EML2: variants seen among roughly 807,000 people sequenced by gnomAD.
The protein encoded by EML2 is EMAP like 2, also known as echinoderm microtubule-associated protein-like 2.
Under a neutral mutation model 84.7 loss-of-function variants are expected in EML2, and 59 were observed. The ratio of observed to expected loss-of-function variants is 0.70; its 90% CI spans 0.56 to 0.86. EML2 has a LOEUF of 0.86. Among genes scored for constraint, EML2 ranks in the 40% least tolerant of loss-of-function variants. EML2 has a pLI of 0.00. For synonymous variants in EML2, 352 were observed against 348.9 expected (o/e 1.01, Z -0.10); for missense variants, 818 against 855.6 (o/e 0.96, Z 0.55).
chr19:45,619,113 C>A lies in EML2; in HGVS notation c.1201G>T (p.Val401Leu), dbSNP rs528411722. 6.2e-7 allele frequency: 1 copy of A among 1,613,426 alleles called. No homozygotes were observed. Among genetic ancestry groups the A allele is most frequent in the Non-Finnish European group, 8.5e-7 (1 of 1,179,906 alleles). Residue 401 changes from valine (V) to leucine (L), a missense_variant, in exon 12 of 19, where the codon GTG becomes TTG. Coordinates refer to ENST00000245925, the MANE Select transcript of EML2 (RefSeq NM_012155.4). ...TGGGAATCTGAGCTCCATAGATGCA[C>A]CAGCTTATCCTGCCCGCAGGTCACA... ...QFVTCGQDKL[V>L]HLWSSDSHQP...
Position 45,635,583 on chromosome 19 carries a change from CTTTTTTTT to C in EML2, c.180-1120_180-1113del, listed in dbSNP as rs1172930803. ...CCAAAAAAAAATGAATGTCTGTTTC[CTTTTTTTT>C]TTTTTTTTTTTTTTTTTTGAGATGG... On this transcript the variant is annotated intron_variant, in intron 3 of 18. Transcript: ENST00000245925. Among the ~76,000 whole-genome samples the C allele has an allele frequency of 5.8e-4, 63 of 108,470 alleles. 1 individual carries two copies. Among genetic ancestry groups the C allele is most frequent in the Admixed American group, 1.3e-3 (12 of 9,412 alleles). 71.2% of individuals were successfully genotyped at this position (108,470 alleles called of 152,430 possible). A position where few individuals can be genotyped will look rare whatever the true frequency, so the allele number is the denominator to read the frequency against.
chr19:45,620,965 C>A, intron 11 of EML2: 1 of 630,846 alleles, frequency 1.6e-6, no homozygotes, highest in Non-Finnish European at 2.9e-6. Context: ...AGGGTGCCAC[C>A]CCCAATCAGA....
rs1480708731 is a variant in EML2 at position 45,633,084 on chromosome 19, T to C, written c.385A>G (p.Thr129Ala). Residue 129 changes from threonine (T) to alanine (A), a missense_variant, in exon 5 of 19, where the codon ACT becomes GCT. Coordinates refer to ENST00000245925, the MANE Select transcript of EML2 (RefSeq NM_012155.4). Reference sequence around the variant, plus strand: ...CCTTCCATTACCTTCCCTTCCTTAGTGGTTCCCGCCACCTGTCCCGTGGCG... The same window carrying C: ...CCTTCCATTACCTTCCCTTCCTTAGCGGTTCCCGCCACCTGTCCCGTGGCG... ...TIATGQVAGTTKEGKPLPPHV... is the reference protein window; with the variant it reads ...TIATGQVAGTAKEGKPLPPHV... 6.3e-7 allele frequency: 1 copy of C among 1,594,418 alleles called. No homozygotes were observed. The highest frequency in any genetic ancestry group is 8.5e-7 in the Non-Finnish European group (1 of 1,170,932).
upstream of EML2, chr19:45,645,591 C>A (rs1479688897): frequency 7.0e-6 from 5 of 718,520 alleles, no homozygotes; most frequent in African/African-American, 1.9e-5. Context: ...CGCCCGGATC[C>A]CCCTAGGTAC....
intron 1 of EML2, 22 bp downstream of exon 1, chr19:45,639,335 G>T (rs1275191814): frequency 2.2e-6 from 3 of 1,342,140 alleles, no homozygotes; most frequent in Non-Finnish European, 2.9e-6. Context: ...GAGATGGGGG[G>T]TGGTCTGCGA....
intron 9 of EML2, 23 bp downstream of exon 9, chr19:45,624,696 C>A: frequency 6.3e-7 from 1 of 1,590,874 alleles, no homozygotes; most frequent in South Asian, 1.1e-5. Context: ...GATTGGGAAC[C>A]AAACAGATGG....
At chr19:45,641,657 TAC>T, upstream of EML2, 2 of 1,536,110 alleles carry the variant, frequency 1.3e-6, no homozygotes, top group South Asian at 2.4e-5. Context: ...TTTTTGGCGC[TAC>T]AGTTGCTGCT....
In EML2 at chr19:45,625,673, T is replaced by C. The variant is rs138884250; in HGVS notation, c.742-855A>G. Among the ~76,000 whole-genome samples the C allele has an allele frequency of 3.7e-3, 568 of 152,218 alleles. 3 individuals are homozygous for C. The highest frequency in any genetic ancestry group is 0.013 in the African/African-American group (547 of 41,536). On this transcript the variant is annotated intron_variant, in intron 8 of 18. Transcript: ENST00000245925. ...CCACCTTCTCAGTGTCTCTGTTTCA[T>C]CTCCGTGCCCAGTGTTCTCTGGGCT...
chr19:45,619,843 G>A (rs1239083418), intron 11 of EML2, among the ~76,000 whole-genome samples: 1 of 151,996 alleles, frequency 6.6e-6, no homozygotes, highest in African/African-American at 2.4e-5. Flanking sequence ...TTGAGCTCAG[G>A]AGTCCGAGAC....
chr19:45,641,487 C>G, upstream of EML2: 1 of 706,048 alleles, frequency 1.4e-6, no homozygotes, highest in South Asian at 1.9e-5. Flanking sequence ...CGTGCCACCT[C>G]AAGATTGGTC....
chr19:45,624,826 G>A lies in EML2; in HGVS notation c.742-8C>T. 6.2e-7 allele frequency: 1 copy of A among 1,603,790 alleles called. No homozygotes were observed. Among genetic ancestry groups the A allele is most frequent in the Non-Finnish European group, 8.5e-7 (1 of 1,173,924 alleles). On this transcript the variant is annotated splice_polypyrimidine_tract_variant and splice_region_variant and intron_variant, in intron 8 of 18. Transcript: ENST00000245925. ...CTTCGGTTTCTCATGTTTCTAAGGTGGGGGAGGAAAGGAAGGTGTCAGAGC... is the reference window on the plus strand; with the variant it reads ...CTTCGGTTTCTCATGTTTCTAAGGTAGGGGAGGAAAGGAAGGTGTCAGAGC...
At chr19:45,639,123 GAA>G (rs1568490802) in intron 1 of EML2, 1 of 670,690 alleles carries the variant, frequency 1.5e-6, no homozygotes, top group East Asian at 2.7e-5. Context: ...CGCGATCCTG[GAA>G]GAAGGGAGTC....
In EML2 at chr19:45,624,908, C is replaced by T. The variant is rs879497004; in HGVS notation, c.742-90G>A. Reference sequence around the variant, plus strand: ...TCTGTCACCCAGGACCGTGGCCAGGCAATCCCCTCTATCTATGCGTTTAGG... The same window carrying T: ...TCTGTCACCCAGGACCGTGGCCAGGTAATCCCCTCTATCTATGCGTTTAGG... On this transcript the variant is annotated intron_variant, in intron 8 of 18. Transcript: ENST00000245925. The T allele has an allele frequency of 3.4e-6, 3 of 872,464 alleles. No individual in the cohort carries two copies. In the Admixed American group the frequency reaches 6.1e-5, roughly 18 times the overall value. The allele number at this position is 872,464 out of a possible 1,614,324, so 54.0% of individuals were successfully genotyped here. A position where few individuals can be genotyped will look rare whatever the true frequency, so the allele number is the denominator to read the frequency against.
At chr19:45,645,626 G>A, upstream of EML2, 2 of 569,858 alleles carry the variant, frequency 3.5e-6, no homozygotes, top group South Asian at 4.6e-5. Context: ...CACAACCGGA[G>A]TATAGTCTCT....
rs1239472516 is a variant in EML2 at position 45,616,466 on chromosome 19, A to C, written c.1504T>G (p.Cys502Gly). 6.3e-7 allele frequency: 1 copy of C among 1,587,600 alleles called. No homozygotes were observed. The highest frequency in any genetic ancestry group is 8.6e-7 in the Non-Finnish European group (1 of 1,161,056). ...GGRKVSRLGK[C>G]SGHSSFITHL... Reference sequence around the variant, plus strand: ...GGGGGCCACTGCCCACTCACCGAGCACTTGCCCAGGCGGCTGACCTTGCGG... The same window carrying C: ...GGGGGCCACTGCCCACTCACCGAGCCCTTGCCCAGGCGGCTGACCTTGCGG... Residue 502 changes from cysteine (C) to glycine (G), a missense_variant, in exon 15 of 19, where the codon TGC (cysteine) becomes GGC (glycine). Coordinates refer to ENST00000245925, the MANE Select transcript of EML2 (RefSeq NM_012155.4).
At chr19:45,641,844 G>C, upstream of EML2, 1 of 1,491,442 alleles carries the variant, frequency 6.7e-7, no homozygotes, top group Non-Finnish European at 8.9e-7. Flanking sequence ...TGCTGCTGGA[G>C]CTCAGGCAAA....
At chr19:45,637,231 T>C in intron 3 of EML2, among the ~76,000 whole-genome samples, 1 of 152,130 alleles carries the variant, frequency 6.6e-6, no homozygotes, top group East Asian at 1.9e-4. Context: ...AAGGACCGGG[T>C]TCCTGGGGTG....
At chr19:45,625,248 G>A (rs1972169397) in intron 8 of EML2, among the ~76,000 whole-genome samples, 1 of 151,666 alleles carries the variant, frequency 6.6e-6, no homozygotes, top group African/African-American at 2.4e-5. Context: ...TTTTGTTTTT[G>A]TTTTTGTTTT....
chr19:45,618,961 A>C (rs1421605381), intron 12 of EML2, 99 bp downstream of exon 12: 1 of 1,330,042 alleles, frequency 7.5e-7, no homozygotes, highest in Non-Finnish European at 9.9e-7. Context: ...AAAAAAAAAA[A>C]AAGACCTTGT....
Sources: allele counts gnomAD v4.1 joint callset (sites outside exome capture counted in the v4.1 genomes callset), GRCh38; gene constraint gnomAD v4.1.1; transcripts MANE v1.5; gene names NCBI Gene and HGNC (gene_info 2026-07-23, HGNC 2026-07-21).